The following LINC00632 variants were observed in gnomAD, a reference collection of about 807,000 sequenced individuals.
LINC00632 encodes long independently transcribed non-coding RNA 632, also known as ALDOA related specific transcript.
chrX:140,740,196 C>T (rs1253773395), intron 3 of LINC00632, among the ~76,000 whole-genome samples: 1 of 111,601 alleles, frequency 9.0e-6, no homozygotes, highest in Non-Finnish European at 1.9e-5. Flanking sequence ...AACTGCTTAG[C>T]ACTGTCTTGT....
chrX:140,758,217 T>G (rs189069243), intron 3 of LINC00632, among the ~76,000 whole-genome samples: 1 of 111,391 alleles, frequency 9.0e-6, no homozygotes, highest in Admixed American at 9.6e-5. Context: ...ATTATTTTAT[T>G]TTAAAATTAT....
intron 3 of LINC00632, among the ~76,000 whole-genome samples, chrX:140,738,661 G>A (rs1230958138): frequency 8.9e-6 from 1 of 112,006 alleles, no homozygotes; most frequent in Non-Finnish European, 1.9e-5. Flanking sequence ...AATACATACT[G>A]GATTTCAAGG....
intron 3 of LINC00632, among the ~76,000 whole-genome samples, chrX:140,752,743 C>G (rs1931428483): frequency 8.9e-6 from 1 of 111,796 alleles, no homozygotes; most frequent in South Asian, 3.8e-4. Flanking sequence ...TTGAGTTTGT[C>G]AAAACTGCCT....
exon 5 of LINC00632, among the ~76,000 whole-genome samples, chrX:140,781,168 G>A (rs773516906): frequency 5.8e-4 from 64 of 111,076 alleles, no homozygotes; most frequent in Non-Finnish European, 1.1e-3. Flanking sequence ...GATAGTTCCT[G>A]ACTTCCTCAG....
chrX:140,734,427 T>C (rs1199525155), intron 3 of LINC00632, among the ~76,000 whole-genome samples: 2 of 111,930 alleles, frequency 1.8e-5, no homozygotes, highest in East Asian at 5.6e-4. Flanking sequence ...TAATTGTTGA[T>C]TTAAAAAAAC....
At chrX:140,778,345 G>A (rs890340046) in exon 5 of LINC00632, among the ~76,000 whole-genome samples, 4 of 112,138 alleles carry the variant, frequency 3.6e-5, no homozygotes, top group Non-Finnish European at 5.6e-5. Context: ...GGTGGCTCAC[G>A]CCTGTAATCC....
chrX:140,786,287 C>T (rs1245127046), exon 5 of LINC00632, among the ~76,000 whole-genome samples: 1 of 111,789 alleles, frequency 8.9e-6, no homozygotes, highest in East Asian at 2.8e-4. Flanking sequence ...GTATGCCAGG[C>T]ATGTTTTGAT....
intron 3 of LINC00632, among the ~76,000 whole-genome samples, chrX:140,747,529 C>CA (rs376796176): frequency 0.031 from 1,941 of 63,168 alleles, 69 homozygotes; most frequent in African/African-American, 0.081. Flanking sequence ...AAACTCCATC[C>CA]AAAAAAAAAA....
chrX:140,750,579 A>C (rs1931396874), intron 3 of LINC00632, among the ~76,000 whole-genome samples: 1 of 111,338 alleles, frequency 9.0e-6, no homozygotes, highest in Admixed American at 9.6e-5. Context: ...TTTTTGGTCA[A>C]CTAAAAATAA....
chrX:140,727,300 T>C (rs1302595111), intron 2 of LINC00632, among the ~76,000 whole-genome samples: 1 of 111,703 alleles, frequency 9.0e-6, no homozygotes, highest in Non-Finnish European at 1.9e-5. Context: ...GAACAATTAT[T>C]ATTTTTTTAA....
At chrX:140,723,289 C>CACA (rs1930766500) in intron 2 of LINC00632, among the ~76,000 whole-genome samples, 1 of 2,259 alleles carries the variant, frequency 4.4e-4, no homozygotes, top group African/African-American at 1.4e-3. Context: ...ATTCCATACA[C>CACA]GTGCACACAC....
chrX:140,723,842 C>T (rs1411892558), intron 2 of LINC00632, among the ~76,000 whole-genome samples: 1 of 2,422 alleles, frequency 4.1e-4, no homozygotes, highest in East Asian at 0.015. Flanking sequence ...CACACACATT[C>T]CATACACACA....
intron 3 of LINC00632, among the ~76,000 whole-genome samples, chrX:140,735,537 G>A (rs1018471686): frequency 3.6e-5 from 4 of 110,028 alleles, no homozygotes; most frequent in Non-Finnish European, 7.5e-5. Flanking sequence ...TTGCCAATAC[G>A]ATAATTTTGA....
chrX:140,757,718 C>G (rs757573806), intron 3 of LINC00632, among the ~76,000 whole-genome samples: 3 of 110,886 alleles, frequency 2.7e-5, no homozygotes, highest in South Asian at 7.8e-4. Flanking sequence ...AGACAAGCAC[C>G]AGCACGTCCA....
exon 5 of LINC00632, chrX:140,784,312 T>G (rs41299075): frequency 8.3e-7 from 1 of 1,205,155 alleles, no homozygotes; most frequent in Non-Finnish European, 1.1e-6. Context: ...AACAAAGGTA[T>G]GTCTTCCAAC....
intron 3 of LINC00632, among the ~76,000 whole-genome samples, chrX:140,745,604 A>G (rs767805793): frequency 1.8e-5 from 2 of 111,739 alleles, no homozygotes; most frequent in African/African-American, 6.5e-5. Flanking sequence ...CAGACAGTCT[A>G]AACCCAGCTG....
At chrX:140,743,692 T>G (rs1227173649) in intron 3 of LINC00632, among the ~76,000 whole-genome samples, 1 of 111,652 alleles carries the variant, frequency 9.0e-6, no homozygotes, top group Non-Finnish European at 1.9e-5. Context: ...GCAGTATTCA[T>G]GTACCATATT....
chrX:140,719,313 C>A (rs1276930250), intron 2 of LINC00632, among the ~76,000 whole-genome samples: 1 of 108,244 alleles, frequency 9.2e-6, no homozygotes, highest in Admixed American at 9.9e-5. Context: ...TTTTTTTTTT[C>A]TTTGAGATGG....
intron 3 of LINC00632, among the ~76,000 whole-genome samples, chrX:140,734,759 CTTTT>C (rs145614025): frequency 4.0e-5 from 3 of 75,310 alleles, no homozygotes; most frequent in Non-Finnish European, 4.9e-5. Flanking sequence ...GGAAATACAT[CTTTT>C]TTTTTTTTTT....
Sources: allele counts gnomAD v4.1 joint callset (sites outside exome capture counted in the v4.1 genomes callset), GRCh38; gene constraint gnomAD v4.1.1; transcripts MANE v1.5; gene names NCBI Gene and HGNC (gene_info 2026-07-23, HGNC 2026-07-21).